Variants in IL11 observed in about 807,000 individuals in gnomAD.
IL11 encodes interleukin 11.
In IL11, 17 loss-of-function variants were observed where a neutral mutation model predicts 18.1. That is an observed-to-expected ratio of 0.94 (90% CI 0.64 to 1.41). The LOEUF is 1.41. Among genes scored for constraint, IL11 ranks in the 40% most tolerant of loss-of-function variants. The probability of loss-of-function intolerance (pLI) is 0.00; values close to 1 mark genes in which losing one functional copy is unlikely to be tolerated. For missense variants in IL11, 309 were observed against 262.8 expected (o/e 1.18, Z -1.22); for synonymous variants, 144 against 134.1 (o/e 1.07, Z -0.51).
chr19:55,366,073 C>G lies in IL11; in HGVS notation c.534G>C (p.Leu178=), dbSNP rs145194651. 8 of 1,597,664 alleles carry G rather than the reference C, an allele frequency of 5.0e-6. No individual in the cohort carries two copies. The highest frequency in any genetic ancestry group is 6.8e-6 in the Non-Finnish European group (8 of 1,173,606). ...AGTCAAGTGTCAGGTGCAGCCCCCCCAGGATGGCGTGGGCGGCCCTGATGC... is the reference window on the plus strand; with the variant it reads ...AGTCAAGTGTCAGGTGCAGCCCCCCGAGGATGGCGTGGGCGGCCCTGATGC... The part of the protein sequence containing the change: ...WGGIRAAHAI[L]GGLHLTLDWA... Residue 178 remains leucine, a synonymous_variant, in exon 5 of 5, where the codon CTG becomes CTC. Coordinates refer to ENST00000264563, the MANE Select transcript of IL11 (RefSeq NM_000641.4). This position sits in a 1 kb window ranked among gnomAD's most constrained non-coding sequence, Gnocchi z 4.6.
In IL11 at chr19:55,368,495, C is replaced by T; in HGVS notation, c.255G>A (p.Leu85=). ...CCCTTGCCCTTACCTGTAGAGCTCC[C>T]AGTGCCCCCGCACTCATGGCCAGGG... ...LPTLAMSAGA[L]GALQLPGVLT... Residue 85 remains leucine (L), a synonymous_variant, in exon 3 of 5, where the codon CTG becomes CTA. Coordinates refer to ENST00000264563, the MANE Select transcript of IL11 (RefSeq NM_000641.4). 6.2e-7 allele frequency: 1 copy of T among 1,611,426 alleles called. No individual in the cohort carries two copies. The highest frequency in any genetic ancestry group is 8.5e-7 in the Non-Finnish European group (1 of 1,178,656).
intron 4 of IL11, among the ~76,000 whole-genome samples, chr19:55,367,766 A>G (rs1256455226): frequency 6.6e-6 from 1 of 151,930 alleles, no homozygotes; most frequent in Non-Finnish European, 1.5e-5. Context: ...GGCCAGGTCC[A>G]TGGTTTTCAA....
rs773125492 is a variant in IL11, at chr19:55,368,557, G to T, written c.193C>A (p.Pro65Thr). The change falls in exon 3 of 5, where the codon CCA (proline) becomes ACA (threonine). Residue 65 changes from proline (P) to threonine (T), a missense_variant. Transcript: ENST00000264563. ...TCCAGGTTGTGGTCCCCGTCAGCTGGGAATTTGTCCCTCTGGCAGGGAAAA... is the reference window on the plus strand; with the variant it reads ...TCCAGGTTGTGGTCCCCGTCAGCTGTGAATTTGTCCCTCTGGCAGGGAAAA... The part of the protein sequence containing the change: ...QLAAQLRDKF[P>T]ADGDHNLDSL... The T allele has an allele frequency of 6.2e-7, 1 of 1,612,108 alleles. No homozygotes were observed. Among genetic ancestry groups the T allele is most frequent in the Non-Finnish European group, 8.5e-7 (1 of 1,179,438 alleles).
At position 55,368,196 on chromosome 19, in the gene IL11, G is replaced by C. The variant is rs1201914915; in HGVS notation, c.429+14C>G. On this transcript the variant is annotated intron_variant, in intron 4 of 4. Transcript: ENST00000264563. ...TGGGGGTCTGGGGTGTCAGGTCTTG[G>C]GGCCAGGACATACCAGGAGCTGCAG... 18 of 1,516,818 alleles carry C rather than the reference G, an allele frequency of 1.2e-5. No homozygotes were observed. The highest frequency in any genetic ancestry group is 1.6e-5 in the Non-Finnish European group (18 of 1,126,398). 94.0% of individuals were successfully genotyped at this position (1,516,818 alleles called of 1,614,324 possible). A position where few individuals can be genotyped will look rare whatever the true frequency, so the allele number is the denominator to read the frequency against.
intron 3 of IL11, 46 bp from the exon 4 acceptor site, chr19:55,368,417 T>C: frequency 6.3e-7 from 1 of 1,581,600 alleles, no homozygotes; most frequent in Non-Finnish European, 8.6e-7. Context: ...CCAGTGCCCC[T>C]CATCCTCCCC....
rs780299709 is a variant in IL11, at chr19:55,365,656, C to A, written c.*351G>T. ...GGCTTCCCTTTCCCCTCCGTCCCCA[C>A]CCCAACATGAAAAGTAATTGCTTAA... On this transcript the variant is annotated 3_prime_UTR_variant, in exon 5 of 5. Coordinates refer to ENST00000264563, the MANE Select transcript of IL11 (RefSeq NM_000641.4). 9.3e-5 allele frequency: 23 copies of A among 247,470 alleles called. No individual in the cohort carries two copies. The highest frequency in any genetic ancestry group is 4.3e-4 in the Admixed American group (8 of 18,448). 15.3% of individuals were successfully genotyped at this position (247,470 alleles called of 1,614,324 possible). A position where few individuals can be genotyped will look rare whatever the true frequency, so the allele number is the denominator to read the frequency against.
chr19:55,370,004 C>A (rs1341654357), intron 1 of IL11, among the ~76,000 whole-genome samples: 1 of 152,100 alleles, frequency 6.6e-6, no homozygotes, highest in Non-Finnish European at 1.5e-5. Flanking sequence ...CACCTCCCTC[C>A]CGGCACCAGT....
chr19:55,364,894 T>C lies in IL11; in HGVS notation c.*1113A>G, dbSNP rs1287863809. 2 of 152,234 alleles carry C rather than the reference T, an allele frequency of 1.3e-5. No individual in the cohort carries two copies. Among genetic ancestry groups the C allele is most frequent in the Non-Finnish European group, 2.9e-5 (2 of 68,052 alleles). The allele number at this position is 152,234 out of a possible 1,614,324, so 9.4% of individuals were successfully genotyped here. A position where few individuals can be genotyped will look rare whatever the true frequency, so the allele number is the denominator to read the frequency against. ...TGGCGTTCTATCCACAGATGCACCA[T>C]GTTGCTTAACCCTCACTGTTGGATA... On this transcript the variant is annotated 3_prime_UTR_variant, in exon 5 of 5. Coordinates refer to ENST00000264563, the MANE Select transcript of IL11 (RefSeq NM_000641.4).
In IL11 at chr19:55,366,005, G is replaced by C; in HGVS notation, c.*2C>G. On this transcript the variant is annotated 3_prime_UTR_variant, in exon 5 of 5. Transcript: ENST00000264563. The surrounding 1 kb of genome is among the most constrained non-coding windows in gnomAD (Gnocchi z 4.6). ...AGGACGGTGGTGGCTTTGGGCCCCG[G>C]GTCACAGCCGAGTCTTCAGCAGCAG... The C allele has an allele frequency of 6.3e-7, 1 of 1,598,738 alleles. No homozygotes were observed.
Position 55,365,379 on chromosome 19 carries a change from C to T in IL11, c.*628G>A, listed in dbSNP as rs4239593. 12,587 of 154,856 alleles carry T rather than the reference C, an allele frequency of 0.081. 676 individuals carry two copies. Among genetic ancestry groups the T allele is most frequent in the Middle Eastern group, 0.15 (45 of 304 alleles). 9.6% of individuals were successfully genotyped at this position (154,856 alleles called of 1,614,324 possible). On this transcript the variant is annotated 3_prime_UTR_variant, in exon 5 of 5. Coordinates refer to ENST00000264563, the MANE Select transcript of IL11 (RefSeq NM_000641.4). ...AACAAACAAAAGGCCCTATGCAGTG[C>T]GGGGCCCCAGGCAAGGCTCAGACCC...
Position 55,368,548 on chromosome 19 carries a change from C to G in IL11, c.202G>C (p.Gly68Arg). The G allele has an allele frequency of 6.2e-7, 1 of 1,612,610 alleles. No individual in the cohort carries two copies. Among genetic ancestry groups the G allele is most frequent in the South Asian group, 1.1e-5 (1 of 90,666 alleles). The change falls in exon 3 of 5, where the codon GGG becomes CGG. Residue 68 changes from glycine to arginine, a missense_variant. By Grantham distance (125) the Gly-to-Arg change is moderately radical (BLOSUM62 -2). Coordinates refer to ENST00000264563, the MANE Select transcript of IL11 (RefSeq NM_000641.4). ...GGCAGGGAATCCAGGTTGTGGTCCC[C>G]GTCAGCTGGGAATTTGTCCCTCTGG... The part of the protein sequence containing the change: ...AQLRDKFPAD[G>R]DHNLDSLPTL...
chr19:55,368,411 T>G, intron 3 of IL11, 40 bp from the exon 4 acceptor site: 4 of 1,584,730 alleles, frequency 2.5e-6, no homozygotes, highest in Non-Finnish European at 3.4e-6. Context: ...ACCCGACCAG[T>G]GCCCCTCATC....
rs1341228730 is a variant in IL11 at position 55,369,818 on chromosome 19, C to T, written c.7+486G>A. Among the ~76,000 whole-genome samples, 5 of 151,796 alleles carry T rather than the reference C, an allele frequency of 3.3e-5. No homozygotes were observed. Among genetic ancestry groups the T allele is most frequent in the Admixed American group, 3.3e-4 (5 of 15,266 alleles). ...CTCCGTCGGCCGCATCTGCCCGGCT[C>T]TCCCCGCTTTCCCCCCGCGCCCAGT... is the stretch of plus-strand genomic sequence containing the variant. On this transcript the variant is annotated intron_variant, in intron 1 of 4. Transcript: ENST00000264563. The surrounding 1 kb of genome is among the most constrained non-coding windows in gnomAD (Gnocchi z 6.1).
chr19:55,366,433 T>C lies in IL11; in HGVS notation c.430-256A>G, dbSNP rs979218308. Among the ~76,000 whole-genome samples, 1 of 151,934 alleles carries C rather than the reference T, an allele frequency of 6.6e-6. No homozygotes were observed. Among genetic ancestry groups the C allele is most frequent in the Non-Finnish European group, 1.5e-5 (1 of 67,964 alleles). On this transcript the variant is annotated intron_variant, in intron 4 of 4. Coordinates refer to ENST00000264563, the MANE Select transcript of IL11 (RefSeq NM_000641.4). This position sits in a 1 kb window ranked among gnomAD's most constrained non-coding sequence, Gnocchi z 4.6. ...GGAGTCAGGGCTGGCATCTCGGTTC[T>C]AGGTGAGGGATCGGGCCTGGGACTG...
chr19:55,367,744 G>A (rs1183953568), intron 4 of IL11, among the ~76,000 whole-genome samples: 2 of 151,950 alleles, frequency 1.3e-5, no homozygotes, highest in African/African-American at 4.8e-5. Flanking sequence ...ACAGGCGTGA[G>A]CCACCACGCC....
In IL11 at chr19:55,365,560, A is replaced by G. The variant is rs1276979531; in HGVS notation, c.*447T>C. Reference sequence around the variant, plus strand: ...TCTCAGACAAATCGCCCTCAAGTGGATATGTATGACACATTTAATTCCCTG... The same window carrying G: ...TCTCAGACAAATCGCCCTCAAGTGGGTATGTATGACACATTTAATTCCCTG... On this transcript the variant is annotated 3_prime_UTR_variant, in exon 5 of 5. Transcript: ENST00000264563. 2.4e-5 allele frequency: 4 copies of G among 166,238 alleles called. No individual in the cohort carries two copies. The highest frequency in any genetic ancestry group is 9.6e-5 in the African/African-American group (4 of 41,482). The allele number at this position is 166,238 out of a possible 1,614,324, so 10.3% of individuals were successfully genotyped here.
chr19:55,366,173 G>A lies in IL11; in HGVS notation c.434C>T (p.Ser145Phe), dbSNP rs960880227. Residue 145 changes from serine to phenylalanine, a missense_variant, in exon 5 of 5, where the codon TCC (serine) becomes TTC (phenylalanine). Physicochemically the swap from Ser to Phe is radical, Grantham distance 155. Transcript: ENST00000264563. This position sits in a 1 kb window ranked among gnomAD's most constrained non-coding sequence, Gnocchi z 4.6. ...GGGTGGCTGGGGCAGGGCCAGGCGGGACATCTGTGGGGAGAGGAGAGAGGT... is the reference window on the plus strand; with the variant it reads ...GGGTGGCTGGGGCAGGGCCAGGCGGAACATCTGTGGGGAGAGGAGAGAGGT... ...RLLRRLQLLMSRLALPQPPPD... is the reference protein window; with the variant it reads ...RLLRRLQLLMFRLALPQPPPD... The A allele has an allele frequency of 6.0e-6, 9 of 1,489,938 alleles. No homozygotes were observed. Among genetic ancestry groups the A allele is most frequent in the Non-Finnish European group, 7.2e-6 (8 of 1,117,286 alleles). The allele number at this position is 1,489,938 out of a possible 1,614,324, so 92.3% of individuals were successfully genotyped here. A position where few individuals can be genotyped will look rare whatever the true frequency, so the allele number is the denominator to read the frequency against.
In IL11 at chr19:55,366,336, G is replaced by A. The variant is rs985464546; in HGVS notation, c.430-159C>T. 7.9e-5 allele frequency among the ~76,000 whole-genome samples: 12 copies of A among 152,154 alleles called. No individual in the cohort carries two copies. The highest frequency in any genetic ancestry group is 5.2e-4 in the Admixed American group (8 of 15,282). On this transcript the variant is annotated intron_variant, in intron 4 of 4. Coordinates refer to ENST00000264563, the MANE Select transcript of IL11 (RefSeq NM_000641.4). This position sits in a 1 kb window ranked among gnomAD's most constrained non-coding sequence, Gnocchi z 4.6. ...AGGCCGGGAGCTCTTCAGGCTGTGG[G>A]GTTCCGAAAATGGAGGCTGGAGTCA...
Position 55,365,896 on chromosome 19 carries a change from T to G in IL11, c.*111A>C. ...GCCTCACGGAAGGACTGTCTCTAAC[T>G]AGGGGGAGATAATGGCGGGGGGATC... On this transcript the variant is annotated 3_prime_UTR_variant, in exon 5 of 5. Transcript: ENST00000264563. 1 of 1,500,882 alleles carries G rather than the reference T, an allele frequency of 6.7e-7. No homozygotes were observed. The highest frequency in any genetic ancestry group is 9.0e-7 in the Non-Finnish European group (1 of 1,108,542). 93.0% of individuals were successfully genotyped at this position (1,500,882 alleles called of 1,614,324 possible).
Sources: gnomAD v4.1 joint callset for allele counts (sites outside exome capture counted in the v4.1 genomes callset) on GRCh38, gnomAD v4.1.1 for gene constraint, Gnocchi (gnomAD v3.1) non-coding constraint, MANE v1.5 for transcripts, NCBI Gene and HGNC (gene_info 2026-07-23, HGNC 2026-07-21) for gene names.